AAR2: variants seen among roughly 807,000 people sequenced by gnomAD.
AAR2 encodes the protein AAR2 splicing factor, also known as protein AAR2 homolog.
AAR2 carries 31 observed loss-of-function variants against 26.9 expected under a neutral mutation model. The observed-to-expected ratio is 1.15, with a 90% CI of 0.86 to 1.55. The LOEUF is 1.55. Ranked by LOEUF, AAR2 falls within the 40% of genes most tolerant of loss-of-function variation. The pLI is 0.00. For synonymous variants in AAR2, 188 were observed against 196.1 expected, an observed-to-expected ratio of 0.96 and a Z score of 0.34; for missense variants, 430 against 491.3, an observed-to-expected ratio of 0.88 and a Z score of 1.18.
intron 3 of AAR2, 94 bp from the exon 4 acceptor site, chr20:36,255,484 C>G (rs2064812180): frequency 6.9e-7 from 1 of 1,443,456 alleles, no homozygotes. Context: ...TCTACCCGCC[C>G]CAGAAGAGCC....
chr20:36,240,750 A>G (rs2064672666), intron 2 of AAR2, 125 bp downstream of exon 2: 1 of 1,295,420 alleles, frequency 7.7e-7, no homozygotes, highest in Admixed American at 2.6e-5. Context: ...GGCTGAAGAT[A>G]CAGGTGTGTC....
chr20:36,250,897 T>C (rs1302480952), intron 3 of AAR2, among the ~76,000 whole-genome samples: 2 of 151,614 alleles, frequency 1.3e-5, no homozygotes, highest in Non-Finnish European at 2.9e-5. Context: ...CTACAAAAAA[T>C]TAAGAAGAAA....
chr20:36,250,811 A>G (rs2064774208), intron 3 of AAR2, among the ~76,000 whole-genome samples: 1 of 152,130 alleles, frequency 6.6e-6, no homozygotes, highest in African/African-American at 2.4e-5. Flanking sequence ...GGGGGTATAT[A>G]TATATTTGTC....
intron 3 of AAR2, among the ~76,000 whole-genome samples, chr20:36,247,742 G>A (rs375823765): frequency 6.6e-6 from 1 of 151,994 alleles, no homozygotes; most frequent in Non-Finnish European, 1.5e-5. Flanking sequence ...GGTGGTGGGC[G>A]CCTCTAGTCC....
chr20:36,240,407 G>A lies in AAR2; in HGVS notation c.539G>A (p.Arg180His), dbSNP rs138947526. ...TKDRVGQNLP[R>H]CGIECKSYQE... ...GACCGCGTGGGGCAGAATCTACCCC[G>A]CTGTGGCATTGAGTGCAAAAGCTAC... Residue 180 changes from arginine to histidine, a missense_variant, in exon 2 of 4, where the codon CGC (arginine) becomes CAC (histidine). By Grantham distance (29) the Arg-to-His change is conservative. Coordinates refer to ENST00000320849, the MANE Select transcript of AAR2 (RefSeq NM_001271874.2). 1.9e-5 allele frequency: 31 copies of A among 1,614,206 alleles called. No individual in the cohort carries two copies. Among genetic ancestry groups the A allele is most frequent in the East Asian group, 6.7e-5 (3 of 44,880 alleles).
chr20:36,242,397 G>GTTGTTT (rs2064692094), intron 2 of AAR2, among the ~76,000 whole-genome samples: 1 of 150,358 alleles, frequency 6.7e-6, no homozygotes, highest in Non-Finnish European at 1.5e-5. Context: ...TGTTGTTGTT[G>GTTGTTT]TTGTTGTTGT....
rs552471083 is a variant in AAR2 at position 36,242,058 on chromosome 20, T to A, written c.757+1433T>A. Among the ~76,000 whole-genome samples the A allele has an allele frequency of 9.1e-4, 139 of 152,204 alleles. 1 individual carries two copies. Among genetic ancestry groups the A allele is most frequent in the African/African-American group, 3.2e-3 (133 of 41,546 alleles). ...AAATATGTGTCACATTTTGAACAGC[T>A]ATTTTTATATATATTTATAAATTTT... On this transcript the variant is annotated intron_variant, in intron 2 of 3. Coordinates refer to ENST00000320849, the MANE Select transcript of AAR2 (RefSeq NM_001271874.2).
chr20:36,242,170 CAG>C (rs2064688342), intron 2 of AAR2, among the ~76,000 whole-genome samples: 1 of 107,248 alleles, frequency 9.3e-6, no homozygotes, highest in Non-Finnish European at 1.8e-5. Context: ...TTTTTTGAGA[CAG>C]GGTTTCGCTG....
At chr20:36,243,177 T>A (rs1200574096) in intron 2 of AAR2, among the ~76,000 whole-genome samples, 1 of 152,202 alleles carries the variant, frequency 6.6e-6, no homozygotes, top group Non-Finnish European at 1.5e-5. Context: ...ACATCACACC[T>A]CTTTGAAAAA....
chr20:36,238,680 C>T lies in AAR2; in HGVS notation c.-48-1141C>T, dbSNP rs369013914. Among the ~76,000 whole-genome samples the T allele has an allele frequency of 5.3e-5, 8 of 149,908 alleles. No homozygotes were observed. In the South Asian group the frequency reaches 1.3e-3, roughly 24 times the overall value. On this transcript the variant is annotated intron_variant, in intron 1 of 3. Coordinates refer to ENST00000320849, the MANE Select transcript of AAR2 (RefSeq NM_001271874.2). ...CTGAGGCACAAGAATTGCTTGAACC[C>T]GGGAGGTGGACGATGTAGTGAGCCG...
Position 36,240,054 on chromosome 20 carries a change from T to C in AAR2, c.186T>C (p.Ser62=). 6.2e-7 allele frequency: 1 copy of C among 1,614,174 alleles called. No individual in the cohort carries two copies. The highest frequency in any genetic ancestry group is 8.5e-7 in the Non-Finnish European group (1 of 1,179,998). The part of the protein sequence containing the change: ...PPGIHFLHYS[S]VDKANPKEVG... ...GCATCCACTTCCTCCACTACAGCTCTGTGGACAAGGCTAATCCGAAGGAAG... is the reference window on the plus strand; with the variant it reads ...GCATCCACTTCCTCCACTACAGCTCCGTGGACAAGGCTAATCCGAAGGAAG... The change falls in exon 2 of 4, where the codon TCT becomes TCC. Residue 62 remains serine, a synonymous_variant. Coordinates refer to ENST00000320849, the MANE Select transcript of AAR2 (RefSeq NM_001271874.2).
intron 3 of AAR2, among the ~76,000 whole-genome samples, chr20:36,247,879 T>C (rs565909326): frequency 6.7e-6 from 1 of 148,578 alleles, no homozygotes; most frequent in Admixed American, 6.6e-5. Flanking sequence ...CAAAAAAAAA[T>C]AATAAAAATA....
At chr20:36,252,031 T>C (rs1182371383) in intron 3 of AAR2, among the ~76,000 whole-genome samples, 1 of 152,132 alleles carries the variant, frequency 6.6e-6, no homozygotes. Flanking sequence ...CAATCCCCAC[T>C]TTTAGAGGGT....
At chr20:36,255,495 G>A (rs1369357764) in intron 3 of AAR2, 83 bp from the exon 4 acceptor site, 11 of 1,520,596 alleles carry the variant, frequency 7.2e-6, no homozygotes, top group South Asian at 3.6e-5. Context: ...CAGAAGAGCC[G>A]AACACCATGA....
intron 3 of AAR2, among the ~76,000 whole-genome samples, chr20:36,250,969 C>T (rs897159607): frequency 3.9e-5 from 6 of 151,958 alleles, no homozygotes; most frequent in South Asian, 2.1e-4. Flanking sequence ...AGACAAGGTG[C>T]GTGGATCACT....
At chr20:36,245,883 G>T (rs764808611) in intron 3 of AAR2, among the ~76,000 whole-genome samples, 1 of 152,162 alleles carries the variant, frequency 6.6e-6, no homozygotes, top group South Asian at 2.1e-4. Flanking sequence ...GGCCAGGTAT[G>T]GTCATGTGCA....
At chr20:36,242,245 G>C (rs933965057) in intron 2 of AAR2, among the ~76,000 whole-genome samples, 3 of 149,736 alleles carry the variant, frequency 2.0e-5, no homozygotes, top group Admixed American at 6.7e-5. Flanking sequence ...TCAACCTCTC[G>C]GGCCCAAGTG....
At chr20:36,240,861 A>G (rs1260828541) in intron 2 of AAR2, among the ~76,000 whole-genome samples, 1 of 152,196 alleles carries the variant, frequency 6.6e-6, no homozygotes, top group Non-Finnish European at 1.5e-5. Context: ...AACCTGGTGC[A>G]GATAATCTTC....
Position 36,239,920 on chromosome 20 carries a change from G to T in AAR2, c.52G>T (p.Gly18Trp). The T allele has an allele frequency of 6.2e-7, 1 of 1,610,156 alleles. No homozygotes were observed. The highest frequency in any genetic ancestry group is 8.5e-7 in the Non-Finnish European group (1 of 1,176,730). ...PELAKRLFFE[G>W]ATVVILNMPK... The stretch of plus-strand genomic sequence containing the variant: ...GCTAGCCAAGCGCCTCTTCTTTGAA[G>T]GGGCCACTGTGGTCATCCTGAACAT... Residue 18 changes from glycine (G) to tryptophan (W), a missense_variant, in exon 2 of 4, where the codon GGG becomes TGG. Gly to Trp is a radical substitution (Grantham distance 184). Coordinates refer to ENST00000320849, the MANE Select transcript of AAR2 (RefSeq NM_001271874.2).
Sources: allele counts gnomAD v4.1 joint callset (sites outside exome capture counted in the v4.1 genomes callset), GRCh38; gene constraint gnomAD v4.1.1; transcripts MANE v1.5; gene names NCBI Gene and HGNC (gene_info 2026-07-23, HGNC 2026-07-21).